The following CSMD1 variants were observed in gnomAD, a reference collection of about 807,000 sequenced individuals.
The protein encoded by CSMD1 is CUB and sushi domain-containing protein 1.
Under a neutral mutation model 417.5 loss-of-function variants are expected in CSMD1, and 213 were observed. The ratio of observed to expected loss-of-function variants is 0.51; its 90% CI spans 0.46 to 0.57. The LOEUF is 0.57. CSMD1 is among the 20% of genes least tolerant of loss of function. The pLI, the probability that CSMD1 is intolerant of heterozygous loss-of-function variation, is 0.00. For missense variants in CSMD1, 6,923 were observed against 4,529.7 expected, an observed-to-expected ratio of 1.53 and a Z score of -15.17; for synonymous variants, 2,862 against 1,736.8, an observed-to-expected ratio of 1.65 and a Z score of -16.11.
At chr8:4,558,015 T>G (rs1798171885) in intron 2 of CSMD1, among the ~76,000 whole-genome samples, 1 of 152,152 alleles carries the variant, frequency 6.6e-6, no homozygotes, top group African/African-American at 2.4e-5. Context: ...TGACCCAAAA[T>G]ACAGACCACT....
Position 4,986,692 on chromosome 8 carries a change from C to A in CSMD1, c.85+7640G>T, listed in dbSNP as rs558038590. Reference sequence around the variant, plus strand: ...TAATATAAACATTATGGACAAGGAGCTTGAATCTCTGTTTTGTTGTAAAAC... The same window carrying A: ...TAATATAAACATTATGGACAAGGAGATTGAATCTCTGTTTTGTTGTAAAAC... On this transcript the variant is annotated intron_variant, in intron 1 of 69. Transcript: ENST00000635120. Among the ~76,000 whole-genome samples the A allele has an allele frequency of 2.6e-5, 4 of 152,044 alleles. No homozygotes were observed. In the East Asian group the frequency reaches 5.8e-4, roughly 22 times the overall value.
chr8:3,214,961 C>T (rs921823406), intron 29 of CSMD1, among the ~76,000 whole-genome samples: 5 of 152,116 alleles, frequency 3.3e-5, no homozygotes, highest in African/African-American at 1.2e-4. Flanking sequence ...CCTTCATCTA[C>T]ATAAAAAATA....
At chr8:3,728,031 T>A (rs974969632) in intron 6 of CSMD1, among the ~76,000 whole-genome samples, 35 of 152,168 alleles carry the variant, frequency 2.3e-4, no homozygotes, top group African/African-American at 8.2e-4. Context: ...CTGTATTCAA[T>A]GCCCCTGAAT....
intron 25 of CSMD1, among the ~76,000 whole-genome samples, chr8:3,293,194 C>A (rs955483501): frequency 1.1e-4 from 16 of 152,148 alleles, no homozygotes; most frequent in Admixed American, 5.9e-4. Context: ...CCGAGAGATC[C>A]GCTGTTGGTC....
intron 1 of CSMD1, among the ~76,000 whole-genome samples, chr8:4,949,628 C>T (rs899567002): frequency 6.6e-6 from 1 of 152,088 alleles, no homozygotes; most frequent in Non-Finnish European, 1.5e-5. Context: ...CATCCCCAAC[C>T]AAGAAGCATC....
chr8:3,696,422 A>T (rs1414633931), intron 7 of CSMD1, among the ~76,000 whole-genome samples: 1 of 152,220 alleles, frequency 6.6e-6, no homozygotes, highest in Non-Finnish European at 1.5e-5. Flanking sequence ...CTTCTCTGAC[A>T]TAAGCTACCA....
intron 5 of CSMD1, among the ~76,000 whole-genome samples, chr8:3,977,027 G>A (rs1461561231): frequency 6.6e-6 from 1 of 152,144 alleles, no homozygotes; most frequent in Admixed American, 6.5e-5. Flanking sequence ...GCAGGGAATG[G>A]GTGAGACGGG....
intron 3 of CSMD1, among the ~76,000 whole-genome samples, chr8:4,247,954 G>C (rs1027456637): frequency 6.6e-6 from 1 of 151,926 alleles, no homozygotes; most frequent in South Asian, 2.1e-4. Flanking sequence ...ATAATTTTTT[G>C]TCTTCTTTTG....
intron 7 of CSMD1, among the ~76,000 whole-genome samples, chr8:3,618,079 G>A (rs1387324065): frequency 6.6e-6 from 1 of 152,036 alleles, no homozygotes; most frequent in Non-Finnish European, 1.5e-5. Flanking sequence ...ATGGATCACT[G>A]CAGCCTCAAC....
At chr8:4,486,918 A>G (rs1344823209) in intron 2 of CSMD1, among the ~76,000 whole-genome samples, 1 of 152,174 alleles carries the variant, frequency 6.6e-6, no homozygotes, top group Non-Finnish European at 1.5e-5. Flanking sequence ...GAATTTAATT[A>G]AAGCTTGTCA....
chr8:3,704,398 C>G (rs1464308849), intron 7 of CSMD1, among the ~76,000 whole-genome samples: 1 of 152,108 alleles, frequency 6.6e-6, no homozygotes, highest in East Asian at 1.9e-4. Context: ...AGGGGGCCTT[C>G]CTAAAACAAA....
At chr8:4,620,039 A>C (rs1405018116) in intron 2 of CSMD1, among the ~76,000 whole-genome samples, 2 of 152,062 alleles carry the variant, frequency 1.3e-5, no homozygotes, top group Admixed American at 6.6e-5. Context: ...TAAAATTAGA[A>C]TAGTATGGTG....
chr8:4,391,074 A>T (rs1419184244), intron 3 of CSMD1, among the ~76,000 whole-genome samples: 2 of 152,220 alleles, frequency 1.3e-5, no homozygotes, highest in Non-Finnish European at 2.9e-5. Context: ...GTCGTTGTCT[A>T]GATCCTGGAA....
intron 1 of CSMD1, among the ~76,000 whole-genome samples, chr8:4,960,343 A>G (rs992946317): frequency 6.6e-6 from 1 of 152,206 alleles, no homozygotes; most frequent in Non-Finnish European, 1.5e-5. Context: ...CATCTTACTT[A>G]GAAGAGAATA....
chr8:4,871,690 C>T (rs1321358757), intron 1 of CSMD1, among the ~76,000 whole-genome samples: 1 of 152,120 alleles, frequency 6.6e-6, no homozygotes, highest in East Asian at 1.9e-4. Context: ...ATTAATGAAT[C>T]TAGCAAAAAT....
intron 5 of CSMD1, among the ~76,000 whole-genome samples, chr8:3,904,393 A>T (rs1807967640): frequency 6.6e-6 from 1 of 152,102 alleles, no homozygotes; most frequent in Non-Finnish European, 1.5e-5. Context: ...AAACCTCTTT[A>T]TTGCAATGGA....
chr8:4,725,003 G>T (rs896131412), intron 1 of CSMD1, among the ~76,000 whole-genome samples: 1 of 152,048 alleles, frequency 6.6e-6, no homozygotes, highest in Non-Finnish European at 1.5e-5. Flanking sequence ...GGGAAAAGTC[G>T]TGAAAGAACA....
chr8:3,003,872 A>G (rs1179276111), intron 52 of CSMD1, among the ~76,000 whole-genome samples: 3 of 152,188 alleles, frequency 2.0e-5, no homozygotes, highest in African/African-American at 7.2e-5. Flanking sequence ...GAAATGTTAT[A>G]TATTTTTAAA....
chr8:3,710,602 C>T (rs941206009), intron 6 of CSMD1, among the ~76,000 whole-genome samples: 2 of 152,156 alleles, frequency 1.3e-5, no homozygotes, highest in African/African-American at 4.8e-5. Flanking sequence ...TCTTCCTGTG[C>T]TTGGCCCCTG....
Sources: allele counts gnomAD v4.1 joint callset (sites outside exome capture counted in the v4.1 genomes callset), GRCh38; gene constraint gnomAD v4.1.1; transcripts MANE v1.5; gene names NCBI Gene and HGNC (gene_info 2026-07-23, HGNC 2026-07-21).